The following ATIC variants were observed in gnomAD, a reference collection of about 807,000 sequenced individuals.
ATIC encodes the protein 5-aminoimidazole-4-carboxamide ribonucleotide formyltransferase/IMP cyclohydrolase.
A neutral mutation model predicts 72.5 loss-of-function variants in ATIC; 64 were observed. The ratio of observed to expected loss-of-function variants is 0.88; its 90% confidence interval spans 0.72 to 1.09. ATIC has a LOEUF of 1.09. Among genes scored for constraint, ATIC ranks in the 50% least tolerant of loss-of-function variants. The pLI is 0.00. For synonymous variants in ATIC, 281 were observed against 267.1 expected, an observed-to-expected ratio of 1.05 and a Z score of -0.51; for missense variants, 787 against 732.4, an observed-to-expected ratio of 1.07 and a Z score of -0.86.
chr2:215,365,020 C>T, the ATIC span: 3 of 1,364,072 alleles, frequency 2.2e-6, no homozygotes, highest in Non-Finnish European at 3.1e-6. Flanking sequence ...CACGCATAAG[C>T]TGAGAACAAT....
At chr2:215,364,941 C>T in the ATIC span, 1 of 1,580,338 alleles carries the variant, frequency 6.3e-7, no homozygotes, top group Non-Finnish European at 8.6e-7. Context: ...TGCCACTGTT[C>T]TCCTACGTGG....
In ATIC at chr2:215,325,343, A is replaced by G. The variant is rs748077057; in HGVS notation, c.379+14A>G. 5 of 1,583,970 alleles carry G rather than the reference A, an allele frequency of 3.2e-6. No homozygotes were observed. The South Asian group carries it at 4.4e-5, about 14-fold the overall frequency. On this transcript the variant is annotated intron_variant, in intron 5 of 15. Coordinates refer to ENST00000236959, the MANE Select transcript of ATIC (RefSeq NM_004044.7). ...AAATTGACATTGGTAAGTCAGAAAA[A>G]CCATTTTAGAAGACTGAGAGGAGAG...
intron 12 of ATIC, among the ~76,000 whole-genome samples, chr2:215,340,247 C>G (rs980093235): frequency 1.1e-4 from 17 of 152,140 alleles, no homozygotes; most frequent in African/African-American, 4.1e-4. Context: ...ACACTTAGGT[C>G]ACTCTATGGG....
At chr2:215,344,912 T>C in intron 13 of ATIC, 41 bp downstream of exon 13, 2 of 1,569,168 alleles carry the variant, frequency 1.3e-6, no homozygotes, top group African/African-American at 2.7e-5. Flanking sequence ...GACTGTTGTT[T>C]TACGAAATGA....
the ATIC span, chr2:215,364,775 A>G: frequency 7.9e-6 from 6 of 762,100 alleles, no homozygotes; most frequent in Non-Finnish European, 6.8e-6. Context: ...GTATTTTAAT[A>G]CTTCCGAAGG....
intron 7 of ATIC, among the ~76,000 whole-genome samples, chr2:215,328,248 A>C (rs1295842043): frequency 6.7e-6 from 1 of 150,022 alleles, no homozygotes; most frequent in Non-Finnish European, 1.5e-5. Flanking sequence ...TGTAGGCTGA[A>C]GTAATCTAAG....
intron 4 of ATIC, among the ~76,000 whole-genome samples, chr2:215,324,179 G>C (rs2052798212): frequency 6.6e-6 from 1 of 152,242 alleles, no homozygotes; most frequent in South Asian, 2.1e-4. Flanking sequence ...TTATAGGCAT[G>C]AGCCACTGCG....
intron 2 of ATIC, among the ~76,000 whole-genome samples, chr2:215,313,454 A>G (rs2052676879): frequency 6.6e-6 from 1 of 152,160 alleles, no homozygotes; most frequent in Non-Finnish European, 1.5e-5. Flanking sequence ...GCTGATGTCA[A>G]GGAGTGGCAT....
At chr2:215,347,332 T>C in intron 14 of ATIC, 1 of 370,038 alleles carries the variant, frequency 2.7e-6, no homozygotes, top group South Asian at 2.3e-5. Flanking sequence ...TAAATACAAA[T>C]TGCCTGACGG....
At chr2:215,357,918 A>G in the ATIC span, among the ~76,000 whole-genome samples, 2 of 151,464 alleles carry the variant, frequency 1.3e-5, no homozygotes, top group African/African-American at 2.4e-5. Context: ...AACCTGCCAC[A>G]TTCCCTATCA....
At chr2:215,363,236 T>G in the ATIC span, 1 of 152,114 alleles carries the variant, frequency 6.6e-6, no homozygotes, top group East Asian at 1.9e-4. Context: ...ACATGAAAGG[T>G]TTCATGTGCA....
Position 215,349,732 on chromosome 2 carries a change from A to T in ATIC, c.*77A>T, listed in dbSNP as rs1019773978. Reference sequence around the variant, plus strand: ...CCTGAAACTTTGAGGATAACTTTTTAAAAAAATAAAACAGTATCTCTTAAT... The same window carrying T: ...CCTGAAACTTTGAGGATAACTTTTTTAAAAAATAAAACAGTATCTCTTAAT... On this transcript the variant is annotated 3_prime_UTR_variant, in exon 16 of 16. Transcript: ENST00000236959. 45 of 1,608,074 alleles carry T rather than the reference A, an allele frequency of 2.8e-5. No homozygotes were observed. In the Admixed American group the frequency reaches 3.0e-4, roughly 11 times the overall value.
chr2:215,332,358 G>C (rs1188690972), intron 7 of ATIC, 24 bp from the exon 8 acceptor site: 1 of 1,613,840 alleles, frequency 6.2e-7, no homozygotes, highest in Non-Finnish European at 8.5e-7. Flanking sequence ...GCTTAGTAAT[G>C]TGCATGTATA....
At chr2:215,325,663 A>G (rs1262846993) in intron 5 of ATIC, among the ~76,000 whole-genome samples, 1 of 152,076 alleles carries the variant, frequency 6.6e-6, no homozygotes, top group African/African-American at 2.4e-5. Context: ...CCTGGGCTCA[A>G]GTGATTCTCT....
downstream of ATIC, among the ~76,000 whole-genome samples, chr2:215,352,219 A>G (rs1575128931): frequency 6.6e-6 from 1 of 152,194 alleles, no homozygotes; most frequent in Admixed American, 6.5e-5. Flanking sequence ...GTACCATGCT[A>G]ATGTAAAATA....
At chr2:215,321,847 A>G (rs952173516) in intron 4 of ATIC, among the ~76,000 whole-genome samples, 1 of 151,878 alleles carries the variant, frequency 6.6e-6, no homozygotes, top group African/African-American at 2.4e-5. Flanking sequence ...TTGTAAGTTT[A>G]TTTCCTCTCA....
the ATIC span, among the ~76,000 whole-genome samples, chr2:215,356,355 T>A: frequency 1.3e-5 from 2 of 152,250 alleles, no homozygotes; most frequent in African/African-American, 4.8e-5. Flanking sequence ...ACAAAGTTTC[T>A]GAGTTCCTTC....
rs751328131 is a variant in ATIC at position 215,349,622 on chromosome 2, C to T, written c.1746C>T (p.Leu582=). ...CCTGCGACGAACTGGGAATCATCCT[C>T]GCTCATACGAACCTTCGGCTCTTCC... ...IEACDELGII[L]AHTNLRLFHH Residue 582 remains leucine (L), a synonymous_variant, in exon 16 of 16, where the codon CTC becomes CTT. Transcript: ENST00000236959. The T allele has an allele frequency of 9.3e-6, 15 of 1,614,086 alleles. No homozygotes were observed. In the East Asian group the frequency reaches 1.1e-4, roughly 12 times the overall value.
the ATIC span, among the ~76,000 whole-genome samples, chr2:215,359,507 C>A: frequency 1.3e-5 from 2 of 152,080 alleles, no homozygotes; most frequent in African/African-American, 4.8e-5. Context: ...TTTGTACTTT[C>A]TGTGATTTTT....
Sources: gnomAD v4.1 joint callset for allele counts (sites outside exome capture counted in the v4.1 genomes callset) on GRCh38, gnomAD v4.1.1 for gene constraint, MANE v1.5 for transcripts, NCBI Gene and HGNC (gene_info 2026-07-23, HGNC 2026-07-21) for gene names.